SMARCA4: variants seen among roughly 807,000 people sequenced by gnomAD.
SMARCA4 encodes SWI/SNF related BAF chromatin remodeling complex subunit ATPase 4.
SMARCA4 carries 31 observed loss-of-function variants against 193.9 expected under a neutral mutation model. The ratio of observed to expected loss-of-function variants is 0.16; its 90% CI spans 0.12 to 0.22. The LOEUF (loss-of-function observed/expected upper bound fraction) is 0.22. Ranked by LOEUF, SMARCA4 falls within the 10% of genes least tolerant of loss-of-function variation. The pLI is 1.00. For missense variants in SMARCA4, 1,148 were observed against 2,296.0 expected (o/e 0.50, Z 10.22); for synonymous variants, 942 against 933.1 (o/e 1.01, Z -0.17).
Position 11,019,739 on chromosome 19 carries a change from G to A in SMARCA4, c.2616+38G>A, listed in dbSNP as rs752254560. On this transcript the variant is annotated intron_variant, in intron 18 of 34. Coordinates refer to ENST00000344626, the MANE Select transcript of SMARCA4 (RefSeq NM_003072.5). This position sits in a 1 kb window ranked among gnomAD's most constrained non-coding sequence, Gnocchi z 6.1. ...TGTGGGAAATGCCAGGCCATGGGCC[G>A]AGTGCTCACACGTGGGTCACGCTGC... 9.7e-6 allele frequency: 14 copies of A among 1,439,642 alleles called. No individual in the cohort carries two copies. Among genetic ancestry groups the A allele is most frequent in the Admixed American group, 3.4e-5 (2 of 58,162 alleles). 89.2% of individuals were successfully genotyped at this position (1,439,642 alleles called of 1,614,324 possible).
intron 9 of SMARCA4, 169 bp downstream of exon 9, chr19:10,995,170 A>G (rs1318262329): frequency 1.4e-6 from 1 of 707,910 alleles, no homozygotes; most frequent in Non-Finnish European, 2.6e-6. Context: ...GGGCTCGGAT[A>G]TTTGCTGATC....
chr19:10,991,796 A>G (rs992485294), intron 8 of SMARCA4, among the ~76,000 whole-genome samples: 8 of 151,382 alleles, frequency 5.3e-5, no homozygotes, highest in Non-Finnish European at 3.0e-5. Context: ...AGTGGCGGGG[A>G]GAGCTGGAGG....
intron 1 of SMARCA4, chr19:10,965,182 C>T (rs1040500925): frequency 1.3e-5 from 2 of 152,262 alleles, no homozygotes; most frequent in African/African-American, 2.4e-5. Context: ...GCATTGAGCG[C>T]CTGCCATGTG....
In SMARCA4 at chr19:10,985,185, C is replaced by G. The variant is rs187211314; in HGVS notation, c.223-88C>G. ...CATCTTCGGGTGGCTGTTCTCGGTGCCCTCGAGCTTCTCTCGGGCAGCGCA... is the reference window on the plus strand; with the variant it reads ...CATCTTCGGGTGGCTGTTCTCGGTGGCCTCGAGCTTCTCTCGGGCAGCGCA... On this transcript the variant is annotated intron_variant, in intron 2 of 34. Coordinates refer to ENST00000344626, the MANE Select transcript of SMARCA4 (RefSeq NM_003072.5). This position sits in a 1 kb window ranked among gnomAD's most constrained non-coding sequence, Gnocchi z 4.5. 13 of 1,418,294 alleles carry G rather than the reference C, an allele frequency of 9.2e-6. No homozygotes were observed. Among genetic ancestry groups the G allele is most frequent in the Non-Finnish European group, 1.2e-5 (12 of 1,006,092 alleles). The allele number at this position is 1,418,294 out of a possible 1,614,324, so 87.9% of individuals were successfully genotyped here.
intron 30 of SMARCA4, among the ~76,000 whole-genome samples, chr19:11,045,390 G>T (rs1275368257): frequency 2.0e-5 from 3 of 152,112 alleles, no homozygotes; most frequent in Non-Finnish European, 2.9e-5. Flanking sequence ...AGTAATGGCT[G>T]CCAAGCAGTG....
In SMARCA4 at chr19:10,996,305, T is replaced by G. The variant is rs750674041; in HGVS notation, c.1686T>G (p.Ala562=). The change falls in exon 10 of 35, where the codon GCT becomes GCG. Residue 562 remains alanine (A), a synonymous_variant. Coordinates refer to ENST00000344626, the MANE Select transcript of SMARCA4 (RefSeq NM_003072.5). ...TGCAGCAGACAGACGAGTACGTGGC[T>G]AACCTCACGGAGCTGGTGCGGCAGC... ...YLLQQTDEYV[A]NLTELVRQHK... is the part of the protein sequence containing the mutation. 7 of 1,614,190 alleles carry G rather than the reference T, an allele frequency of 4.3e-6. No homozygotes were observed. The highest frequency in any genetic ancestry group is 5.9e-6 in the Non-Finnish European group (7 of 1,180,042).
Position 10,987,179 on chromosome 19 carries a change from G to A in SMARCA4, c.859+176G>A, listed in dbSNP as rs2086129140. Among the ~76,000 whole-genome samples, 1 of 152,210 alleles carries A rather than the reference G, an allele frequency of 6.6e-6. No homozygotes were observed. Among genetic ancestry groups the A allele is most frequent in the African/African-American group, 2.4e-5 (1 of 41,452 alleles). On this transcript the variant is annotated intron_variant, in intron 5 of 34. Coordinates refer to ENST00000344626, the MANE Select transcript of SMARCA4 (RefSeq NM_003072.5). The surrounding 1 kb of genome is among the most constrained non-coding windows in gnomAD (Gnocchi z 5.3). ...CCCTGTAGCCAGTCAGTTCCCAAAGGCTGTCGTTCATCCCTCCTCTGACAG... is the reference window on the plus strand; with the variant it reads ...CCCTGTAGCCAGTCAGTTCCCAAAGACTGTCGTTCATCCCTCCTCTGACAG...
In SMARCA4 at chr19:10,987,546, TG is replaced by T; in HGVS notation, c.860-117del. On this transcript the variant is annotated intron_variant, in intron 5 of 34. Coordinates refer to ENST00000344626, the MANE Select transcript of SMARCA4 (RefSeq NM_003072.5). This position sits in a 1 kb window ranked among gnomAD's most constrained non-coding sequence, Gnocchi z 5.3. Reference sequence around the variant, plus strand: ...GTGAAGGACACCCCTGGGTGAAAGGTGGGAGATGGGCGGGGTCTGCCTGTCC... The same window carrying T: ...GTGAAGGACACCCCTGGGTGAAAGGTGGAGATGGGCGGGGTCTGCCTGTCC... 1 of 1,135,108 alleles carries T rather than the reference TG, an allele frequency of 8.8e-7. No homozygotes were observed. Among genetic ancestry groups the T allele is most frequent in the Non-Finnish European group, 1.3e-6 (1 of 761,994 alleles). 70.3% of individuals were successfully genotyped at this position (1,135,108 alleles called of 1,614,324 possible).
At position 11,019,731 on chromosome 19, in the gene SMARCA4, C is replaced by T. The variant is rs1299276638; in HGVS notation, c.2616+30C>T. On this transcript the variant is annotated intron_variant, in intron 18 of 34. Transcript: ENST00000344626. This position sits in a 1 kb window ranked among gnomAD's most constrained non-coding sequence, Gnocchi z 6.1. ...CGTGTCCCTGTGGGAAATGCCAGGC[C>T]ATGGGCCGAGTGCTCACACGTGGGT... 1 of 1,512,914 alleles carries T rather than the reference C, an allele frequency of 6.6e-7. No individual in the cohort carries two copies. The highest frequency in any genetic ancestry group is 1.1e-5 in the South Asian group (1 of 88,128). 93.7% of individuals were successfully genotyped at this position (1,512,914 alleles called of 1,614,324 possible).
At chr19:11,026,476 T>A in intron 23 of SMARCA4, 130 bp downstream of exon 23, 1 of 653,154 alleles carries the variant, frequency 1.5e-6, no homozygotes, top group Non-Finnish European at 2.8e-6. Flanking sequence ...TACAGAAGAA[T>A]CCAAAGCAAA....
At chr19:10,992,058 T>C (rs1410034168) in intron 8 of SMARCA4, among the ~76,000 whole-genome samples, 1 of 152,122 alleles carries the variant, frequency 6.6e-6, no homozygotes, top group Non-Finnish European at 1.5e-5. Context: ...ATAATTAATA[T>C]CTTATTGGTG....
chr19:11,048,551 T>C (rs1213755744), intron 30 of SMARCA4, among the ~76,000 whole-genome samples: 1 of 152,182 alleles, frequency 6.6e-6, no homozygotes, highest in Non-Finnish European at 1.5e-5. Flanking sequence ...GTCCTCTGGA[T>C]TCGGTGTCAG....
intron 30 of SMARCA4, among the ~76,000 whole-genome samples, chr19:11,053,052 A>C (rs2076348227): frequency 6.6e-6 from 1 of 151,936 alleles, no homozygotes; most frequent in Non-Finnish European, 1.5e-5. Context: ...GCATCAAACT[A>C]AGTGGTTTCC....
chr19:10,987,759 T>C lies in SMARCA4; in HGVS notation c.953T>C (p.Val318Ala), dbSNP rs2145817213. Residue 318 changes from valine to alanine, a missense_variant, in exon 6 of 35, where the codon GTC (valine) becomes GCC (alanine). Around this residue, in one of 17 missense-constraint regions of SMARCA4, gnomAD observed 257 missense variants for 276.5 expected, o/e 0.93. Transcript: ENST00000344626. This position sits in a 1 kb window ranked among gnomAD's most constrained non-coding sequence, Gnocchi z 5.3. ...CGCCCTTCCCCCGCGCCCCCTGCCG[T>C]CCCACCCGCCGCCTCGCCCGTGATG... ...TGRPSPAPPA[V>A]PPAASPVMPP... is the part of the protein sequence containing the mutation. 1 of 1,599,286 alleles carries C rather than the reference T, an allele frequency of 6.3e-7. No individual in the cohort carries two copies. Among genetic ancestry groups the C allele is most frequent in the Non-Finnish European group, 8.5e-7 (1 of 1,173,422 alleles).
rs372941839 is a variant in SMARCA4, at chr19:10,986,523, C to T, written c.690C>T (p.Pro230=). The T allele has an allele frequency of 3.9e-5, 60 of 1,543,408 alleles. No individual in the cohort carries two copies. Among genetic ancestry groups the T allele is most frequent in the Non-Finnish European group, 4.7e-5 (54 of 1,146,696 alleles). The change falls in exon 4 of 35, where the codon CCC becomes CCT. Residue 230 remains proline (P), a synonymous_variant. Coordinates refer to ENST00000344626, the MANE Select transcript of SMARCA4 (RefSeq NM_003072.5). The surrounding 1 kb of genome is among the most constrained non-coding windows in gnomAD (Gnocchi z 6.7). The part of the protein sequence containing the change: ...LPPPSVSATG[P]GPGPGPGPGP... ...CACCCTCGGTGTCCGCAACAGGACC[C>T]GGCCCTGGCCCTGGCCCTGGCCCCG...
rs2089905213 is a variant in SMARCA4, at chr19:11,021,970, G to T, written c.2859+3G>T. The T allele has an allele frequency of 6.2e-7, 1 of 1,611,672 alleles. No individual in the cohort carries two copies. Among genetic ancestry groups the T allele is most frequent in the Admixed American group, 1.7e-5 (1 of 60,006 alleles). The stretch of plus-strand genomic sequence containing the variant: ...CCTTTGCCATGACCGGGGAAAAGGT[G>T]GGTTTGCCCAGCTGTGCCCATGCTG... On this transcript the variant is annotated splice_donor_region_variant and intron_variant, in intron 19 of 34. Transcript: ENST00000344626.
chr19:10,978,218 C>T (rs1327867671), intron 1 of SMARCA4, among the ~76,000 whole-genome samples: 1 of 152,216 alleles, frequency 6.6e-6, no homozygotes, highest in African/African-American at 2.4e-5. Flanking sequence ...TTCCCTTCCT[C>T]TGTCAGCATG....
Position 10,987,043 on chromosome 19 carries a change from C to T in SMARCA4, c.859+40C>T. 3 of 1,433,104 alleles carry T rather than the reference C, an allele frequency of 2.1e-6. No individual in the cohort carries two copies. Among genetic ancestry groups the T allele is most frequent in the Non-Finnish European group, 2.9e-6 (3 of 1,029,164 alleles). The allele number at this position is 1,433,104 out of a possible 1,614,324, so 88.8% of individuals were successfully genotyped here. A position where few individuals can be genotyped will look rare whatever the true frequency, so the allele number is the denominator to read the frequency against. On this transcript the variant is annotated intron_variant, in intron 5 of 34. Transcript: ENST00000344626. This position sits in a 1 kb window ranked among gnomAD's most constrained non-coding sequence, Gnocchi z 5.3. ...CTATGGTGGTGCACCCGTGCCCTTA[C>T]TCCCCATCTCAAGCTTGGGTCCTTG...
Position 11,034,267 on chromosome 19 carries a change from A to G in SMARCA4, c.3951+67A>G. The G allele has an allele frequency of 8.1e-7, 1 of 1,239,428 alleles. No individual in the cohort carries two copies. Among genetic ancestry groups the G allele is most frequent in the Non-Finnish European group, 1.2e-6 (1 of 840,070 alleles). 76.8% of individuals were successfully genotyped at this position (1,239,428 alleles called of 1,614,324 possible). A position where few individuals can be genotyped will look rare whatever the true frequency, so the allele number is the denominator to read the frequency against. ...TCTGCTGCCACCAGGAGCAAAGCAG[A>G]CGTCCTAGTGCCCATGGTGGTATCC... On this transcript the variant is annotated intron_variant, in intron 28 of 34. Transcript: ENST00000344626. The surrounding 1 kb of genome is among the most constrained non-coding windows in gnomAD (Gnocchi z 7.0).
Sources: allele counts gnomAD v4.1 joint callset (sites outside exome capture counted in the v4.1 genomes callset), GRCh38; gene constraint gnomAD v4.1.1; regional missense constraint gnomAD v4.1.1; non-coding constraint Gnocchi (gnomAD v3.1); transcripts MANE v1.5; gene names NCBI Gene and HGNC (gene_info 2026-07-23, HGNC 2026-07-21).